ANXA13: variants seen among roughly 807,000 people sequenced by gnomAD.
The protein encoded by ANXA13 is annexin A13.
A neutral mutation model predicts 46.6 loss-of-function variants in ANXA13; 36 were observed. That is an observed-to-expected ratio of 0.77 (90% CI 0.59 to 1.02). ANXA13 has a LOEUF of 1.02. ANXA13 is among the 50% of genes least tolerant of loss of function. The pLI, the probability that ANXA13 is intolerant of heterozygous loss-of-function variation, is 0.00. For missense variants in ANXA13, 417 were observed against 396.5 expected (o/e 1.05, Z -0.44); for synonymous variants, 163 against 152.9 (o/e 1.07, Z -0.49).
At chr8:123,695,810 T>C (rs1813320898) in intron 4 of ANXA13, 89 bp from the exon 5 acceptor site, 1 of 1,191,186 alleles carries the variant, frequency 8.4e-7, no homozygotes, top group Non-Finnish European at 1.2e-6. Flanking sequence ...AGACCATGTC[T>C]GGACACAAAG....
chr8:123,681,089 C>G lies in ANXA13; in HGVS notation c.*151G>C. Reference sequence around the variant, plus strand: ...TTAACGTTACTGCCCTTAACTTACACAGCTTGGCCTGGCTGCGCCACTTAA... The same window carrying G: ...TTAACGTTACTGCCCTTAACTTACAGAGCTTGGCCTGGCTGCGCCACTTAA... On this transcript the variant is annotated 3_prime_UTR_variant, in exon 11 of 11. Coordinates refer to ENST00000419625, the MANE Select transcript of ANXA13 (RefSeq NM_004306.4). 9.0e-7 allele frequency: 1 copy of G among 1,112,810 alleles called. No individual in the cohort carries two copies. The highest frequency in any genetic ancestry group is 1.2e-6 in the Non-Finnish European group (1 of 801,456). The allele number at this position is 1,112,810 out of a possible 1,614,324, so 68.9% of individuals were successfully genotyped here.
chr8:123,715,346 G>T (rs1283712248), intron 1 of ANXA13, among the ~76,000 whole-genome samples: 2 of 152,244 alleles, frequency 1.3e-5, no homozygotes, highest in Non-Finnish European at 2.9e-5. Flanking sequence ...GGTCCTCTAA[G>T]TGTGGAAGTG....
intron 10 of ANXA13, among the ~76,000 whole-genome samples, chr8:123,683,488 C>T (rs1254560811): frequency 6.9e-6 from 1 of 145,082 alleles, no homozygotes; most frequent in African/African-American, 2.6e-5. Context: ...CACTTCATTC[C>T]CCAAGGCTTC....
Position 123,681,431 on chromosome 8 carries a change from C to T in ANXA13, c.832-72G>A, listed in dbSNP as rs999463238. ...TTCACAAACAGTGGGCACTGTTCTACACATGTTATACTCATTTGCTCATTC... is the reference window on the plus strand; with the variant it reads ...TTCACAAACAGTGGGCACTGTTCTATACATGTTATACTCATTTGCTCATTC... On this transcript the variant is annotated intron_variant, in intron 10 of 10. Coordinates refer to ENST00000419625, the MANE Select transcript of ANXA13 (RefSeq NM_004306.4). The T allele has an allele frequency of 1.8e-5, 26 of 1,455,528 alleles. No homozygotes were observed. In the East Asian group the frequency reaches 2.5e-4, roughly 14 times the overall value. The allele number at this position is 1,455,528 out of a possible 1,614,324, so 90.2% of individuals were successfully genotyped here. A position where few individuals can be genotyped will look rare whatever the true frequency, so the allele number is the denominator to read the frequency against.
In ANXA13 at chr8:123,693,216, G is replaced by A. The variant is rs1294043098; in HGVS notation, c.623C>T (p.Thr208Ile). 1.9e-6 allele frequency: 3 copies of A among 1,614,006 alleles called. No individual in the cohort carries two copies. Among genetic ancestry groups the A allele is most frequent in the East Asian group, 2.2e-5 (1 of 44,900 alleles). Residue 208 changes from threonine (T) to isoleucine (I), a missense_variant, in exon 8 of 11, where the codon ACC becomes ATC. Transcript: ENST00000419625. ...ACTTACAATTTGATAGGCTTGAAAGGTGGCTCGTAACTGCTTGTAGCTCCT... is the reference window on the plus strand; with the variant it reads ...ACTTACAATTTGATAGGCTTGAAAGATGGCTCGTAACTGCTTGTAGCTCCT... ...AKRSYKQLRA[T>I]FQAYQILIGK... is the part of the protein sequence containing the mutation.
intron 4 of ANXA13, among the ~76,000 whole-genome samples, chr8:123,696,081 A>C (rs1310491298): frequency 6.6e-6 from 1 of 152,136 alleles, no homozygotes; most frequent in Non-Finnish European, 1.5e-5. Context: ...TTAGAAGTTC[A>C]GTGCGTATCA....
chr8:123,696,741 C>T (rs542066585), intron 4 of ANXA13, among the ~76,000 whole-genome samples: 15 of 152,204 alleles, frequency 9.9e-5, no homozygotes, highest in East Asian at 1.9e-4. Context: ...CCTTCCAACC[C>T]GCAACCAGGA....
intron 1 of ANXA13, among the ~76,000 whole-genome samples, chr8:123,720,540 A>G (rs1439458496): frequency 6.6e-6 from 1 of 152,086 alleles, no homozygotes. Flanking sequence ...GCTGTAAAAT[A>G]TATTGTATAT....
At chr8:123,688,724 A>G (rs563077298) in intron 9 of ANXA13, 147 bp downstream of exon 9, 1 of 677,166 alleles carries the variant, frequency 1.5e-6, no homozygotes, top group Non-Finnish European at 2.6e-6. Flanking sequence ...CAACTACATC[A>G]CAGTCACTCT....
At chr8:123,718,037 C>T (rs939395995) in intron 1 of ANXA13, among the ~76,000 whole-genome samples, 14 of 152,230 alleles carry the variant, frequency 9.2e-5, no homozygotes, top group Non-Finnish European at 1.9e-4. Context: ...TGCGATTCCT[C>T]GAGTGTTTTT....
At chr8:123,720,796 T>C (rs1483192554) in intron 1 of ANXA13, among the ~76,000 whole-genome samples, 1 of 152,064 alleles carries the variant, frequency 6.6e-6, no homozygotes, top group Non-Finnish European at 1.5e-5. Flanking sequence ...TTGCCCAGGC[T>C]GGTCTTGAAC....
Position 123,695,816 on chromosome 8 carries a change from C to A in ANXA13, c.358-95G>T, listed in dbSNP as rs553969337. On this transcript the variant is annotated intron_variant, in intron 4 of 10. Coordinates refer to ENST00000419625, the MANE Select transcript of ANXA13 (RefSeq NM_004306.4). The stretch of plus-strand genomic sequence containing the variant: ...AGAGGCGGGAGACCATGTCTGGACA[C>A]AAAGTGCCTTCAAGACTTCCTCTTA... 1.4e-5 allele frequency: 15 copies of A among 1,090,970 alleles called. No individual in the cohort carries two copies. In the African/African-American group the frequency reaches 2.2e-4, roughly 16 times the overall value. 67.6% of individuals were successfully genotyped at this position (1,090,970 alleles called of 1,614,324 possible). A position where few individuals can be genotyped will look rare whatever the true frequency, so the allele number is the denominator to read the frequency against.
chr8:123,735,709 G>C (rs1241501689), intron 1 of ANXA13: 1 of 1,570,164 alleles, frequency 6.4e-7, no homozygotes, highest in Non-Finnish European at 8.6e-7. Context: ...CCCCATGACA[G>C]AGCAGGGGTC....
chr8:123,720,976 G>C (rs1586335712), intron 1 of ANXA13, among the ~76,000 whole-genome samples: 2 of 152,226 alleles, frequency 1.3e-5, no homozygotes, highest in Middle Eastern at 6.8e-3. Flanking sequence ...CAGATCTCTA[G>C]AACGAATTCA....
At chr8:123,682,087 G>A (rs1813050053) in intron 10 of ANXA13, among the ~76,000 whole-genome samples, 1 of 152,058 alleles carries the variant, frequency 6.6e-6, no homozygotes, top group Non-Finnish European at 1.5e-5. Flanking sequence ...GTTGACCCCT[G>A]GTATAAAACT....
At chr8:123,735,113 C>CAAAAAAAAAAAA (rs35085268) in intron 1 of ANXA13, among the ~76,000 whole-genome samples, 1 of 108,578 alleles carries the variant, frequency 9.2e-6, no homozygotes. Flanking sequence ...AAGTAAAACT[C>CAAAAAAAAAAAA]AAAAAAAAAA....
intron 1 of ANXA13, chr8:123,735,713 A>G (rs1563622985): frequency 6.3e-7 from 1 of 1,575,514 alleles, no homozygotes; most frequent in South Asian, 1.2e-5. Context: ...ATGACAGAGC[A>G]GGGGTCATAC....
intron 1 of ANXA13, among the ~76,000 whole-genome samples, chr8:123,715,396 G>A (rs954103432): frequency 6.6e-6 from 1 of 152,188 alleles, no homozygotes; most frequent in Admixed American, 6.5e-5. Flanking sequence ...CTTTTCATCC[G>A]AAGTATTATG....
intron 9 of ANXA13, 32 bp from the exon 10 acceptor site, chr8:123,684,754 G>A (rs371076773): frequency 5.9e-6 from 9 of 1,525,720 alleles, no homozygotes; most frequent in African/African-American, 4.1e-5. Flanking sequence ...AGAATGTGAG[G>A]CTTTCACGTT....
Sources: gnomAD v4.1 joint callset for allele counts (sites outside exome capture counted in the v4.1 genomes callset) on GRCh38, gnomAD v4.1.1 for gene constraint, MANE v1.5 for transcripts, NCBI Gene and HGNC (gene_info 2026-07-23, HGNC 2026-07-21) for gene names.